The following AGBL1 variants were observed in gnomAD, a reference collection of about 807,000 sequenced individuals.
AGBL1 encodes AGBL carboxypeptidase 1.
A neutral mutation model predicts 118.9 loss-of-function variants in AGBL1; 130 were observed. The observed-to-expected ratio is 1.09, with a 90% CI of 0.95 to 1.26. AGBL1 has a LOEUF of 1.26. AGBL1 is among the 50% of genes most tolerant of loss of function. AGBL1 has a pLI of 0.00. For synonymous variants in AGBL1, 555 were observed against 478.9 expected, an observed-to-expected ratio of 1.16 and a Z score of -2.08; for missense variants, 1,584 against 1,298.1, an observed-to-expected ratio of 1.22 and a Z score of -3.38.
intron 5 of AGBL1, among the ~76,000 whole-genome samples, chr15:86,201,435 C>T (rs1288498203): frequency 6.6e-6 from 1 of 152,172 alleles, no homozygotes; most frequent in Non-Finnish European, 1.5e-5. Context: ...TGTCCTGAAG[C>T]CATGTCTGAG....
intron 21 of AGBL1, among the ~76,000 whole-genome samples, chr15:86,601,574 G>T (rs954296074): frequency 7.9e-5 from 12 of 152,090 alleles, no homozygotes; most frequent in Non-Finnish European, 4.4e-5. Context: ...AAAAAGATAC[G>T]AGTAAGGTTC....
At chr15:86,330,098 G>T (rs566908732) in intron 17 of AGBL1, among the ~76,000 whole-genome samples, 197 of 152,318 alleles carry the variant, frequency 1.3e-3, no homozygotes, top group African/African-American at 4.6e-3. Context: ...TAGGTGAGCT[G>T]GCTCAGCCTG....
At chr15:86,648,667 T>TAAGAA in intron 21 of AGBL1, among the ~76,000 whole-genome samples, 1 of 152,214 alleles carries the variant, frequency 6.6e-6, no homozygotes, top group East Asian at 1.9e-4. Context: ...TCCTGGGACC[T>TAAGAA]TTGTTACTAA....
chr15:86,309,727 G>A (rs554877065), intron 17 of AGBL1, among the ~76,000 whole-genome samples: 2 of 151,984 alleles, frequency 1.3e-5, no homozygotes, highest in Non-Finnish European at 2.9e-5. Context: ...TATTGTTCAT[G>A]TTTTGTAACA....
rs2079071349 is a variant in AGBL1, at chr15:86,266,360, AT to A, written c.1668-10del. On this transcript the variant is annotated splice_polypyrimidine_tract_variant and intron_variant, in intron 11 of 22. Coordinates refer to ENST00000614907, the MANE Select transcript of AGBL1 (RefSeq NM_001386094.1). ...AAGGCCGACCCTTAAAATGTTTTCA[AT>A]TTTCTTTTTCAGGATCAGGATATTT... The A allele has an allele frequency of 6.4e-7, 1 of 1,558,692 alleles. No homozygotes were observed. The highest frequency in any genetic ancestry group is 8.7e-7 in the Non-Finnish European group (1 of 1,148,620).
intron 21 of AGBL1, among the ~76,000 whole-genome samples, chr15:86,625,701 TA>T (rs1467420018): frequency 6.6e-5 from 10 of 151,838 alleles, no homozygotes; most frequent in African/African-American, 2.2e-4. Context: ...GAATGGCAGG[TA>T]AAGGATAAAC....
chr15:86,718,041 G>T (rs1378544173), intron 22 of AGBL1, among the ~76,000 whole-genome samples: 1 of 152,142 alleles, frequency 6.6e-6, no homozygotes, highest in Non-Finnish European at 1.5e-5. Flanking sequence ...TTGTGCCACT[G>T]CACTCCAGAC....
chr15:86,834,942 GC>G (rs1419090133), intron 22 of AGBL1, among the ~76,000 whole-genome samples: 1 of 152,100 alleles, frequency 6.6e-6, no homozygotes, highest in African/African-American at 2.4e-5. Flanking sequence ...GTCTTGAGGA[GC>G]AGTACTTCTT....
chr15:86,674,366 C>T lies in AGBL1; in HGVS notation c.3088C>T (p.His1030Tyr), dbSNP rs1310284618. ...ILELKSASCS[H>Y]QLLAQAATLL... The stretch of plus-strand genomic sequence containing the variant: ...GGAGCTCAAATCTGCCAGCTGCAGC[C>T]ATCAGCTCCTGGCTCAAGCTGCAAC... Residue 1030 changes from histidine (H) to tyrosine (Y), a missense_variant, in exon 22 of 23, where the codon CAT (histidine) becomes TAT (tyrosine). Physicochemically the swap from His to Tyr is moderately conservative, Grantham distance 83. Transcript: ENST00000614907. 1.2e-6 allele frequency: 2 copies of T among 1,612,926 alleles called. No individual in the cohort carries two copies. The highest frequency in any genetic ancestry group is 1.3e-5 in the African/African-American group (1 of 74,890).
intron 22 of AGBL1, among the ~76,000 whole-genome samples, chr15:86,828,307 C>A (rs2079059953): frequency 6.6e-6 from 1 of 151,940 alleles, no homozygotes; most frequent in African/African-American, 2.4e-5. Flanking sequence ...TAATAACCCC[C>A]AAATATGTCC....
intron 24 of AGBL1, among the ~76,000 whole-genome samples, chr15:87,012,138 G>T (rs930160247): frequency 2.0e-5 from 3 of 151,342 alleles, no homozygotes; most frequent in Non-Finnish European, 4.4e-5. Flanking sequence ...GCTAAATCAA[G>T]GTGACCCTTC....
chr15:86,704,193 A>T (rs1043242306), intron 22 of AGBL1, among the ~76,000 whole-genome samples: 9 of 152,224 alleles, frequency 5.9e-5, no homozygotes, highest in Non-Finnish European at 8.8e-5. Flanking sequence ...ACCCTAGAAG[A>T]AAACCTAGGC....
chr15:87,027,242 A>G (rs1470753924), intron 24 of AGBL1, among the ~76,000 whole-genome samples: 2 of 152,048 alleles, frequency 1.3e-5, no homozygotes, highest in East Asian at 1.9e-4. Context: ...ATCATCTCAC[A>G]CCAGTTAGAA....
intron 22 of AGBL1, among the ~76,000 whole-genome samples, chr15:86,702,451 G>T (rs1292028805): frequency 6.6e-6 from 1 of 152,028 alleles, no homozygotes; most frequent in Admixed American, 6.6e-5. Context: ...ATGGATAAAT[G>T]AATCAAAGGG....
intron 18 of AGBL1, among the ~76,000 whole-genome samples, chr15:86,520,476 A>T (rs1474067412): frequency 6.6e-6 from 1 of 151,958 alleles, no homozygotes; most frequent in Non-Finnish European, 1.5e-5. Flanking sequence ...ACAAAACTTT[A>T]TTTTTTTTAT....
intron 21 of AGBL1, among the ~76,000 whole-genome samples, chr15:86,641,042 T>C (rs60918564): frequency 0.012 from 1,815 of 152,204 alleles, 29 homozygotes; most frequent in East Asian, 0.077. Flanking sequence ...TCTTTTGAAC[T>C]CTTGACTTTG....
chr15:86,284,215 ACCC>A (rs965145718), intron 16 of AGBL1, among the ~76,000 whole-genome samples: 2 of 150,548 alleles, frequency 1.3e-5, no homozygotes, highest in African/African-American at 4.9e-5. Context: ...CAAATGGAAG[ACCC>A]CTCCTCAAAA....
chr15:86,475,486 C>G (rs772436136), intron 18 of AGBL1, among the ~76,000 whole-genome samples: 27 of 151,818 alleles, frequency 1.8e-4, no homozygotes, highest in Non-Finnish European at 2.9e-5. Flanking sequence ...GATTGAAGAT[C>G]AAATGAATGA....
chr15:86,489,600 G>T (rs1046432265), intron 18 of AGBL1, among the ~76,000 whole-genome samples: 1 of 152,108 alleles, frequency 6.6e-6, no homozygotes, highest in Admixed American at 6.6e-5. Context: ...TGTGGCCCAC[G>T]AACCAAATCT....
Sources: allele counts gnomAD v4.1 joint callset (sites outside exome capture counted in the v4.1 genomes callset), GRCh38; gene constraint gnomAD v4.1.1; transcripts MANE v1.5; gene names NCBI Gene and HGNC (gene_info 2026-07-23, HGNC 2026-07-21).